SCAMP1: variants seen among roughly 807,000 people sequenced by gnomAD.
The protein encoded by SCAMP1 is secretory carrier-associated membrane protein 1.
Under a neutral mutation model 41.8 loss-of-function variants are expected in SCAMP1, and 15 were observed. That is an observed-to-expected ratio of 0.36 (90% CI 0.24 to 0.55). The LOEUF (loss-of-function observed/expected upper bound fraction) is 0.55. Ranked by LOEUF, SCAMP1 falls within the 20% of genes least tolerant of loss-of-function variation. The pLI, the probability that SCAMP1 is intolerant of heterozygous loss-of-function variation, is 0.86. For synonymous variants in SCAMP1, 135 were observed against 136.8 expected, an observed-to-expected ratio of 0.99 and a Z score of 0.09; for missense variants, 341 against 412.6, an observed-to-expected ratio of 0.83 and a Z score of 1.50.
At chr5:78,414,611 A>G (rs991041766) in intron 2 of SCAMP1, among the ~76,000 whole-genome samples, 3 of 152,188 alleles carry the variant, frequency 2.0e-5, no homozygotes, top group African/African-American at 7.2e-5. Context: ...GTATTTTAAA[A>G]GACATTCTTC....
At chr5:78,398,217 A>G (rs931268569) in intron 2 of SCAMP1, among the ~76,000 whole-genome samples, 1 of 152,346 alleles carries the variant, frequency 6.6e-6, no homozygotes. Flanking sequence ...AAAACCTAGC[A>G]TAAAAATAAA....
chr5:78,367,420 T>G (rs1426941067), intron 1 of SCAMP1, among the ~76,000 whole-genome samples: 1 of 152,186 alleles, frequency 6.6e-6, no homozygotes, highest in Non-Finnish European at 1.5e-5. Flanking sequence ...GTTTCAGATA[T>G]CCTTACTCAA....
At chr5:78,372,314 A>G (rs1205556283) in intron 1 of SCAMP1, among the ~76,000 whole-genome samples, 1 of 152,202 alleles carries the variant, frequency 6.6e-6, no homozygotes, top group Admixed American at 6.5e-5. Flanking sequence ...TTGGTAAACT[A>G]GGTGTAATTT....
At chr5:78,420,797 G>A (rs7701154) in intron 5 of SCAMP1, among the ~76,000 whole-genome samples, 123,974 of 152,160 alleles carry the variant, frequency 0.81, 51,126 homozygotes, top group East Asian at 0.92. Flanking sequence ...ATGTGTGTGT[G>A]TATCCTGTTT....
chr5:78,460,797 C>CTTTGGT (rs1561287138), intron 8 of SCAMP1, among the ~76,000 whole-genome samples: 1 of 54,404 alleles, frequency 1.8e-5, no homozygotes. Context: ...TCCTTCCTTC[C>CTTTGGT]TTCCTTCCTC....
At chr5:78,407,620 T>G (rs7710712) in intron 2 of SCAMP1, among the ~76,000 whole-genome samples, 1 of 80,944 alleles carries the variant, frequency 1.2e-5, no homozygotes. Flanking sequence ...TGACTCTCCC[T>G]TATCCTGTTT....
chr5:78,390,628 C>A (rs1053442261), intron 2 of SCAMP1, among the ~76,000 whole-genome samples: 11 of 148,784 alleles, frequency 7.4e-5, no homozygotes, highest in African/African-American at 2.7e-4. Flanking sequence ...TAAACTTTGT[C>A]GATAAAGAAT....
At position 78,460,796 on chromosome 5, in the gene SCAMP1, CCTTCCTT is replaced by C. The variant is rs1753577507; in HGVS notation, c.852+1436_852+1442del. ...TCCTTCCTTCCTTCCTTCCTTCCTT[CCTTCCTT>C]CCTCCCTTCCTTCCTTCCTTTCTTG... On this transcript the variant is annotated intron_variant, in intron 8 of 8. Coordinates refer to ENST00000621999, the MANE Select transcript of SCAMP1 (RefSeq NM_004866.6). Among the ~76,000 whole-genome samples, 105 of 35,714 alleles carry C rather than the reference CCTTCCTT, an allele frequency of 2.9e-3. 8 individuals are homozygous for C. Among genetic ancestry groups the C allele is most frequent in the Admixed American group, 0.014 (76 of 5,492 alleles). The allele number at this position is 35,714 out of a possible 152,430, so 23.4% of individuals were successfully genotyped here.
At chr5:78,396,006 C>G (rs182937887) in intron 2 of SCAMP1, among the ~76,000 whole-genome samples, 1 of 152,306 alleles carries the variant, frequency 6.6e-6, no homozygotes, top group African/African-American at 2.4e-5. Context: ...ACCTGCCACA[C>G]TGGGAATAAG....
chr5:78,433,678 G>T lies in SCAMP1; in HGVS notation c.632+11718G>T, dbSNP rs116080909. Among the ~76,000 whole-genome samples the T allele has an allele frequency of 5.4e-3, 824 of 152,248 alleles. 11 individuals carry two copies. Among genetic ancestry groups the T allele is most frequent in the African/African-American group, 0.019 (784 of 41,544 alleles). Reference sequence around the variant, plus strand: ...AGCTTCGGGTTTCCCCTTTGTGCCTGCCCCTCAGAGAGGGCTTCTCTTCGC... The same window carrying T: ...AGCTTCGGGTTTCCCCTTTGTGCCTTCCCCTCAGAGAGGGCTTCTCTTCGC... On this transcript the variant is annotated intron_variant, in intron 6 of 8. Transcript: ENST00000621999.
chr5:78,361,786 C>G (rs900847632), intron 1 of SCAMP1, among the ~76,000 whole-genome samples: 1 of 152,214 alleles, frequency 6.6e-6, no homozygotes, highest in East Asian at 1.9e-4. Context: ...AAAACAGGAA[C>G]TCTAATTTGT....
chr5:78,440,643 C>T (rs1338071525), intron 6 of SCAMP1, among the ~76,000 whole-genome samples: 1 of 152,192 alleles, frequency 6.6e-6, no homozygotes, highest in Non-Finnish European at 1.5e-5. Flanking sequence ...CCCAGTTAGG[C>T]TACTCTGGGG....
Position 78,480,633 on chromosome 5 carries a change from C to T in SCAMP1, c.*4965C>T, listed in dbSNP as rs1396055070. Among the ~76,000 whole-genome samples, 1 of 152,102 alleles carries T rather than the reference C, an allele frequency of 6.6e-6. No homozygotes were observed. The highest frequency in any genetic ancestry group is 2.4e-5 in the African/African-American group (1 of 41,404). On this transcript the variant is annotated 3_prime_UTR_variant, in exon 9 of 9. Transcript: ENST00000621999. ...CTGAACCCACTGGGCCTATGCATCC[C>T]TCACACTTTTTTTCTAGTATAAAAG...
chr5:78,440,633 C>G (rs1458164590), intron 6 of SCAMP1, among the ~76,000 whole-genome samples: 1 of 152,184 alleles, frequency 6.6e-6, no homozygotes, highest in Non-Finnish European at 1.5e-5. Context: ...GGAGGTGCCT[C>G]CCAGTTAGGC....
At chr5:78,437,947 G>T (rs1385184430) in intron 6 of SCAMP1, among the ~76,000 whole-genome samples, 1 of 152,152 alleles carries the variant, frequency 6.6e-6, no homozygotes, top group African/African-American at 2.4e-5. Flanking sequence ...TCTTGGGAGG[G>T]TGTATGTATC....
intron 6 of SCAMP1, among the ~76,000 whole-genome samples, chr5:78,426,246 C>T (rs978662179): frequency 5.9e-5 from 9 of 152,118 alleles, no homozygotes; most frequent in African/African-American, 2.2e-4. Context: ...AATAGTGCTG[C>T]AATAAACATA....
intron 6 of SCAMP1, among the ~76,000 whole-genome samples, chr5:78,434,937 A>G (rs867483619): frequency 6.6e-6 from 1 of 152,330 alleles, no homozygotes; most frequent in Admixed American, 6.5e-5. Flanking sequence ...TGTGTATTCT[A>G]TTAGCTGGAT....
At position 78,463,334 on chromosome 5, in the gene SCAMP1, A is replaced by G. The variant is rs146746995; in HGVS notation, c.852+3972A>G. On this transcript the variant is annotated intron_variant, in intron 8 of 8. Transcript: ENST00000621999. ...TCCTCCATTTCTTCATCCAGTTCATAAATTAAGGTCTTAAATGTAATCGGC... is the reference window on the plus strand; with the variant it reads ...TCCTCCATTTCTTCATCCAGTTCATGAATTAAGGTCTTAAATGTAATCGGC... 9.2e-5 allele frequency among the ~76,000 whole-genome samples: 14 copies of G among 152,316 alleles called. No individual in the cohort carries two copies. In the East Asian group the frequency reaches 1.7e-3, roughly 19 times the overall value.
intron 6 of SCAMP1, among the ~76,000 whole-genome samples, chr5:78,444,086 C>T (rs1752997036): frequency 6.6e-6 from 1 of 152,076 alleles, no homozygotes; most frequent in South Asian, 2.1e-4. Flanking sequence ...CCTTTCAAGC[C>T]TACTAATAGA....
Sources: gnomAD v4.1 joint callset for allele counts (sites outside exome capture counted in the v4.1 genomes callset) on GRCh38, gnomAD v4.1.1 for gene constraint, MANE v1.5 for transcripts, NCBI Gene and HGNC (gene_info 2026-07-23, HGNC 2026-07-21) for gene names.